Variants in USH2A observed in about 807,000 individuals in gnomAD.
The protein encoded by USH2A is usherin.
A neutral mutation model predicts 538.9 loss-of-function variants in USH2A; 443 were observed. The observed-to-expected ratio is 0.82, with a 90% confidence interval of 0.76 to 0.89. The LOEUF (loss-of-function observed/expected upper bound fraction) is 0.89. USH2A is among the 40% of genes least tolerant of loss of function. The pLI is 0.00. For synonymous variants in USH2A, 2,413 were observed against 2,273.5 expected, an observed-to-expected ratio of 1.06 and a Z score of -1.75; for missense variants, 6,633 against 6,324.8, an observed-to-expected ratio of 1.05 and a Z score of -1.65.
intron 21 of USH2A, among the ~76,000 whole-genome samples, chr1:216,125,194 T>G (rs2033223312): frequency 6.6e-6 from 1 of 151,904 alleles, no homozygotes; most frequent in Admixed American, 6.6e-5. Flanking sequence ...CTGAAGTTAC[T>G]GTCTCTCCTT....
chr1:216,097,881 G>T (rs2032478893), intron 21 of USH2A, among the ~76,000 whole-genome samples: 1 of 151,944 alleles, frequency 6.6e-6, no homozygotes, highest in African/African-American at 2.4e-5. Context: ...ACCATTACAT[G>T]TCCCCATCTC....
At chr1:215,756,418 C>T (rs1334355811) in intron 58 of USH2A, among the ~76,000 whole-genome samples, 4 of 152,062 alleles carry the variant, frequency 2.6e-5, no homozygotes, top group Non-Finnish European at 4.4e-5. Context: ...ATGGGACTTC[C>T]CAGTCATATG....
chr1:215,800,441 T>G (rs1485675721), intron 49 of USH2A, among the ~76,000 whole-genome samples: 20 of 152,198 alleles, frequency 1.3e-4, no homozygotes, highest in Admixed American at 1.2e-3. Flanking sequence ...TCTTATGGCC[T>G]TCAACCATGG....
At chr1:215,906,479 C>T (rs746014235) in intron 38 of USH2A, among the ~76,000 whole-genome samples, 10 of 152,012 alleles carry the variant, frequency 6.6e-5, no homozygotes, top group South Asian at 2.1e-4. Context: ...AAAGGCAGTG[C>T]GCTCTTAATT....
chr1:215,760,998 G>A (rs1660965117), intron 56 of USH2A, among the ~76,000 whole-genome samples: 1 of 151,460 alleles, frequency 6.6e-6, no homozygotes, highest in South Asian at 2.1e-4. Context: ...ATTTCTTTTT[G>A]TGACCCATAT....
At chr1:215,879,227 C>G (rs1474933162) in intron 41 of USH2A, 129 bp from the exon 42 acceptor site, 1 of 771,548 alleles carries the variant, frequency 1.3e-6, no homozygotes, top group Non-Finnish European at 2.3e-6. Flanking sequence ...TCTCCTGAGG[C>G]CTTTGGACTA....
chr1:215,866,869 C>A (rs1664482905), intron 44 of USH2A, 138 bp downstream of exon 44: 1 of 1,199,840 alleles, frequency 8.3e-7, no homozygotes, highest in Non-Finnish European at 1.2e-6. Context: ...ACAGCCCTGT[C>A]AATCTGCAAT....
intron 40 of USH2A, among the ~76,000 whole-genome samples, chr1:215,890,671 A>ACCT (rs1665185323): frequency 6.6e-6 from 1 of 152,212 alleles, no homozygotes; most frequent in South Asian, 2.1e-4. Flanking sequence ...GCCATTTCTT[A>ACCT]CTTTTGCTCT....
chr1:216,269,388 G>T (rs1435875870), intron 11 of USH2A, among the ~76,000 whole-genome samples: 1 of 151,998 alleles, frequency 6.6e-6, no homozygotes, highest in Admixed American at 6.6e-5. Context: ...TGATCGTGAG[G>T]CCTCCCCAGC....
chr1:216,126,926 T>G (rs1248632509), intron 21 of USH2A, among the ~76,000 whole-genome samples: 3 of 152,244 alleles, frequency 2.0e-5, no homozygotes, highest in Non-Finnish European at 4.4e-5. Context: ...TAAGTTCTAC[T>G]TCTATAATGT....
At chr1:216,167,929 GTTTTGAAAGAGATGGCA>G (rs1326370581) in intron 21 of USH2A, among the ~76,000 whole-genome samples, 1 of 152,052 alleles carries the variant, frequency 6.6e-6, no homozygotes, top group Non-Finnish European at 1.5e-5. Context: ...CTGGAACCAA[GTTTTGAAAGAGATGGCA>G]TTTTGACAAT....
intron 3 of USH2A, among the ~76,000 whole-genome samples, chr1:216,404,373 G>A (rs942558810): frequency 6.6e-6 from 1 of 152,086 alleles, no homozygotes; most frequent in African/African-American, 2.4e-5. Flanking sequence ...GGATAAAGTA[G>A]AAGGAGTCGC....
chr1:215,971,273 G>T (rs1667488849), intron 35 of USH2A, among the ~76,000 whole-genome samples: 1 of 152,088 alleles, frequency 6.6e-6, no homozygotes, highest in African/African-American at 2.4e-5. Flanking sequence ...CAGGCAAAGA[G>T]AAAAGGTATC....
intron 40 of USH2A, among the ~76,000 whole-genome samples, chr1:215,895,165 A>T (rs1665300632): frequency 6.6e-6 from 1 of 152,212 alleles, no homozygotes; most frequent in South Asian, 2.1e-4. Flanking sequence ...GGTACACAGT[A>T]GGTACACGGT....
intron 64 of USH2A, among the ~76,000 whole-genome samples, chr1:215,653,048 T>C (rs1657130729): frequency 6.6e-6 from 1 of 152,236 alleles, no homozygotes; most frequent in African/African-American, 2.4e-5. Context: ...TCATAGCAAG[T>C]GCTCAGCACA....
chr1:215,639,171 A>G lies in USH2A; in HGVS notation c.15036T>C (p.Asp5012=). The G allele has an allele frequency of 6.2e-7, 1 of 1,614,124 alleles. No homozygotes were observed. The highest frequency in any genetic ancestry group is 8.5e-7 in the Non-Finnish European group (1 of 1,179,992). Reference sequence around the variant, plus strand: ...GTTGTTTACCAAGTCCAGTAGAGGTATCATATTGGATCAACGGCGTCTTAA... The same window carrying G: ...GTTGTTTACCAAGTCCAGTAGAGGTGTCATATTGGATCAACGGCGTCTTAA... ...GSVKTPLIQY[D]TSTGLGLVLT... is the part of the protein sequence containing the mutation. Residue 5012 remains aspartate, a synonymous_variant, in exon 69 of 72, where the codon GAT becomes GAC. Transcript: ENST00000307340.
intron 64 of USH2A, among the ~76,000 whole-genome samples, chr1:215,657,478 C>G (rs1209303182): frequency 6.6e-6 from 1 of 152,204 alleles, no homozygotes; most frequent in East Asian, 1.9e-4. Context: ...CTGAAAAGCT[C>G]TAGGAGCTAT....
At chr1:215,626,033 C>T (rs1199171379) in intron 71 of USH2A, among the ~76,000 whole-genome samples, 163 bp from the exon 72 acceptor site, 2 of 151,924 alleles carry the variant, frequency 1.3e-5, no homozygotes, top group Non-Finnish European at 2.9e-5. Context: ...TTAAATTTCT[C>T]TTATTGAAAG....
chr1:215,885,937 T>G (rs1022709928), intron 41 of USH2A, among the ~76,000 whole-genome samples: 2 of 152,206 alleles, frequency 1.3e-5, no homozygotes, highest in Non-Finnish European at 2.9e-5. Context: ...AAGTCCTTAT[T>G]ACTTCCAGGT....
Sources: gnomAD v4.1 joint callset for allele counts (sites outside exome capture counted in the v4.1 genomes callset) on GRCh38, gnomAD v4.1.1 for gene constraint, MANE v1.5 for transcripts, NCBI Gene and HGNC (gene_info 2026-07-23, HGNC 2026-07-21) for gene names.